Variants in RFX7 observed in about 807,000 individuals in gnomAD.
RFX7 encodes regulatory factor X7.
In RFX7, 26 loss-of-function variants were observed where a neutral mutation model predicts 111.8. That is an observed-to-expected ratio of 0.23 (90% CI 0.17 to 0.32). The LOEUF is 0.32. Ranked by LOEUF, RFX7 falls within the 10% of genes least tolerant of loss-of-function variation. RFX7 has a pLI of 1.00. For synonymous variants in RFX7, 624 were observed against 624.4 expected (o/e 1.00, Z 0.01); for missense variants, 1,573 against 1,772.9 (o/e 0.89, Z 2.02).
At chr15:56,198,317 T>G (rs1337934479) in intron 2 of RFX7, among the ~76,000 whole-genome samples, 6 of 152,138 alleles carry the variant, frequency 3.9e-5, no homozygotes, top group Non-Finnish European at 8.8e-5. Context: ...AGAATGACTT[T>G]TGCCTCAGAC....
rs1042135572 is a variant in RFX7, at chr15:56,166,978, A to G, written c.195+12292T>C. Among the ~76,000 whole-genome samples the G allele has an allele frequency of 2.6e-5, 4 of 152,116 alleles. No homozygotes were observed. In the East Asian group the frequency reaches 7.7e-4, roughly 29 times the overall value. On this transcript the variant is annotated intron_variant, in intron 3 of 9. Coordinates refer to ENST00000559447, the MANE Select transcript of RFX7 (RefSeq NM_022841.7). ...AGGAGCATATTTTGGGAAACACTGG[A>G]TTACTATTTCCCATCCTCCTTTGGT...
At chr15:56,211,449 C>G (rs1343462780) in intron 2 of RFX7, among the ~76,000 whole-genome samples, 2 of 152,022 alleles carry the variant, frequency 1.3e-5, no homozygotes, top group Admixed American at 6.6e-5. Context: ...AAAACTTTAT[C>G]CTAGAACACA....
chr15:56,141,922 G>A lies in RFX7; in HGVS notation c.401+856C>T, dbSNP rs2042404961. Among the ~76,000 whole-genome samples, 3 of 151,712 alleles carry A rather than the reference G, an allele frequency of 2.0e-5. No homozygotes were observed. The South Asian group carries it at 6.2e-4, about 31-fold the overall frequency. On this transcript the variant is annotated intron_variant, in intron 5 of 9. Coordinates refer to ENST00000559447, the MANE Select transcript of RFX7 (RefSeq NM_022841.7). ...CTAGACTTTCTTCTAGCTCCATTAT[G>A]TTTCTTTTGGTGAGGTAGTAAGAAC... is the stretch of plus-strand genomic sequence containing the variant.
intron 9 of RFX7, 45 bp downstream of exon 9, chr15:56,098,036 T>C: frequency 6.4e-7 from 1 of 1,566,946 alleles, no homozygotes; most frequent in African/African-American, 1.4e-5. Context: ...AAACAGTTGA[T>C]TTCCCACCAT....
At chr15:56,158,836 A>AC (rs1349330006) in intron 3 of RFX7, among the ~76,000 whole-genome samples, 1 of 151,604 alleles carries the variant, frequency 6.6e-6, no homozygotes, top group Non-Finnish European at 1.5e-5. Context: ...AAAACAACCC[A>AC]CCCCCAAAAC....
chr15:56,094,961 C>T lies in RFX7; in HGVS notation c.2767G>A (p.Ala923Thr). The change falls in exon 10 of 10, where the codon GCT becomes ACT. Residue 923 changes from alanine to threonine, a missense_variant. By Grantham distance (58) the Ala-to-Thr change is moderately conservative. Coordinates refer to ENST00000559447, the MANE Select transcript of RFX7 (RefSeq NM_022841.7). ...TLQSQSVTPGAPMSSHTSSTH... is the reference protein window; with the variant it reads ...TLQSQSVTPGTPMSSHTSSTH... ...CTGGAAGTGTGAGATGACATTGGAGCTCCTGGAGTTACTGACTGACTCTGA... is the reference window on the plus strand; with the variant it reads ...CTGGAAGTGTGAGATGACATTGGAGTTCCTGGAGTTACTGACTGACTCTGA... The T allele has an allele frequency of 6.2e-7, 1 of 1,604,070 alleles. No individual in the cohort carries two copies. Among genetic ancestry groups the T allele is most frequent in the Non-Finnish European group, 8.5e-7 (1 of 1,175,202 alleles).
Position 56,098,328 on chromosome 15 carries a change from C to G in RFX7, c.860G>C (p.Ser287Thr), listed in dbSNP as rs1240950293. Reference sequence around the variant, plus strand: ...CTTCACCTGAGGCTGAAAGGAATTACTTTCAGCTGTAGGTATAAAAGCAGA... The same window carrying G: ...CTTCACCTGAGGCTGAAAGGAATTAGTTTCAGCTGTAGGTATAAAAGCAGA... ...QPSAFIPTAE[S>T]NSFQPQVKTL... The change falls in exon 9 of 10, where the codon AGT becomes ACT. Residue 287 changes from serine to threonine, a missense_variant. By Grantham distance (58) the Ser-to-Thr change is moderately conservative. This residue lies in a region of RFX7 where 288 missense variants were observed against 337.9 expected (regional missense o/e 0.85). Transcript: ENST00000559447. 6.8e-6 allele frequency: 11 copies of G among 1,612,064 alleles called. No individual in the cohort carries two copies. The highest frequency in any genetic ancestry group is 9.3e-6 in the Non-Finnish European group (11 of 1,178,890).
At chr15:56,136,407 G>T (rs1263623447) in intron 5 of RFX7, among the ~76,000 whole-genome samples, 1 of 146,214 alleles carries the variant, frequency 6.8e-6, no homozygotes, top group Admixed American at 6.9e-5. Context: ...TCAGGATTTG[G>T]CTCTCTGTTT....
At position 56,190,631 on chromosome 15, in the gene RFX7, G is replaced by A. The variant is rs139927503; in HGVS notation, c.162-11328C>T. 2.2e-4 allele frequency among the ~76,000 whole-genome samples: 34 copies of A among 152,200 alleles called. No homozygotes were observed. In the East Asian group the frequency reaches 4.5e-3, roughly 20 times the overall value. On this transcript the variant is annotated intron_variant, in intron 2 of 9. Transcript: ENST00000559447. ...AAAAAAATATGATTCCTGGACTAAC[G>A]GTATCAGTATTCCTGGGAACTAGTT...
At position 56,102,260 on chromosome 15, in the gene RFX7, AAC is replaced by A. The variant is rs1484297765; in HGVS notation, c.519-9_519-8del. 2 of 1,566,476 alleles carry A rather than the reference AAC, an allele frequency of 1.3e-6. No homozygotes were observed. The highest frequency in any genetic ancestry group is 1.7e-5 in the Admixed American group (1 of 59,250). ...TAGTCCACTGTAGCAATATGTAATA[AAC>A]AGTTAAGGTCTAAATATTCAAAATT... On this transcript the variant is annotated splice_region_variant and splice_polypyrimidine_tract_variant and intron_variant, in intron 6 of 9. Transcript: ENST00000559447.
chr15:56,167,403 G>C (rs1019373464), intron 3 of RFX7, among the ~76,000 whole-genome samples: 1 of 152,108 alleles, frequency 6.6e-6, no homozygotes, highest in Non-Finnish European at 1.5e-5. Context: ...AAGGGGACTC[G>C]GTAATATAGA....
intron 2 of RFX7, among the ~76,000 whole-genome samples, chr15:56,210,381 A>C (rs1174822776): frequency 6.6e-6 from 1 of 152,138 alleles, no homozygotes; most frequent in Non-Finnish European, 1.5e-5. Flanking sequence ...TGAAGAGTTC[A>C]ATATCCCTCT....
intron 5 of RFX7, among the ~76,000 whole-genome samples, chr15:56,131,430 C>T (rs998908927): frequency 6.6e-6 from 1 of 152,040 alleles, no homozygotes; most frequent in Non-Finnish European, 1.5e-5. Context: ...CCATGCCCAG[C>T]TAATTTTTTG....
Position 56,242,499 on chromosome 15 carries a change from A to C in RFX7, c.161+626T>G, listed in dbSNP as rs1396690307. Among the ~76,000 whole-genome samples the C allele has an allele frequency of 2.0e-5, 3 of 151,820 alleles. No individual in the cohort carries two copies. In the East Asian group the frequency reaches 5.8e-4, roughly 29 times the overall value. On this transcript the variant is annotated intron_variant, in intron 2 of 9. Coordinates refer to ENST00000559447, the MANE Select transcript of RFX7 (RefSeq NM_022841.7). ...CATTTGATTCCCTATATTTTAATTT[A>C]AAAAAAAACCACTTTGTTGTAAACT...
At chr15:56,215,514 AC>A (rs1248272578) in intron 2 of RFX7, among the ~76,000 whole-genome samples, 3 of 152,206 alleles carry the variant, frequency 2.0e-5, no homozygotes, top group Admixed American at 6.5e-5. Context: ...TTTCTAATGA[AC>A]CGACTTTGCC....
chr15:56,219,410 G>A (rs762094669), intron 2 of RFX7, among the ~76,000 whole-genome samples: 1 of 152,070 alleles, frequency 6.6e-6, no homozygotes, highest in Non-Finnish European at 1.5e-5. Flanking sequence ...TACACGTGCA[G>A]GTCTGTTATA....
rs114509175 is a variant in RFX7, at chr15:56,238,253, T to G, written c.161+4872A>C. 4.5e-3 allele frequency among the ~76,000 whole-genome samples: 684 copies of G among 152,270 alleles called. 8 individuals are homozygous for G. Among genetic ancestry groups the G allele is most frequent in the African/African-American group, 0.016 (652 of 41,554 alleles). On this transcript the variant is annotated intron_variant, in intron 2 of 9. Transcript: ENST00000559447. ...TTCTGGATCACCAAACACAGCTCCC[T>G]GTAACTAAGATGGAAACAAGAGATT...
intron 2 of RFX7, among the ~76,000 whole-genome samples, chr15:56,234,075 T>C (rs972262317): frequency 2.6e-5 from 4 of 152,240 alleles, no homozygotes; most frequent in African/African-American, 9.6e-5. Flanking sequence ...AGCCCATCCC[T>C]TGATTTTTCA....
At chr15:56,214,893 T>G (rs1260749720) in intron 2 of RFX7, among the ~76,000 whole-genome samples, 4 of 148,552 alleles carry the variant, frequency 2.7e-5, no homozygotes, top group Admixed American at 2.7e-4. Flanking sequence ...GAGTTTTCCA[T>G]GTAGACTAAC....
Sources: allele counts gnomAD v4.1 joint callset (sites outside exome capture counted in the v4.1 genomes callset), GRCh38; gene constraint gnomAD v4.1.1; regional missense constraint gnomAD v4.1.1; transcripts MANE v1.5; gene names NCBI Gene and HGNC (gene_info 2026-07-23, HGNC 2026-07-21).